Variants in PRKD1 observed in about 807,000 individuals in gnomAD.
PRKD1 encodes protein kinase D1.
In PRKD1, 63 loss-of-function variants were observed where a neutral mutation model predicts 95.9. That is an observed-to-expected ratio of 0.66 (90% CI 0.54 to 0.81). PRKD1 has a LOEUF of 0.81. Ranked by LOEUF, PRKD1 falls within the 30% of genes least tolerant of loss-of-function variation. The probability of loss-of-function intolerance (pLI) is 0.00; values close to 1 mark genes in which losing one functional copy is unlikely to be tolerated. For missense variants in PRKD1, 1,048 were observed against 1,165.3 expected (o/e 0.90, Z 1.47); for synonymous variants, 425 against 423.1 (o/e 1.00, Z -0.05).
chr14:29,849,556 A>AAACAAC (rs200478549), intron 1 of PRKD1, among the ~76,000 whole-genome samples: 3 of 150,406 alleles, frequency 2.0e-5, no homozygotes, highest in East Asian at 1.9e-4. Flanking sequence ...CAGTGAAGTA[A>AAACAAC]AACAACAACA....
chr14:29,606,037 G>T (rs1426638923), intron 13 of PRKD1, among the ~76,000 whole-genome samples: 1 of 151,868 alleles, frequency 6.6e-6, no homozygotes, highest in East Asian at 1.9e-4. Flanking sequence ...TTTGGAGACA[G>T]ATTCTCACTC....
intron 2 of PRKD1, among the ~76,000 whole-genome samples, chr14:29,701,820 A>G (rs1884857277): frequency 6.6e-6 from 1 of 152,078 alleles, no homozygotes; most frequent in Non-Finnish European, 1.5e-5. Context: ...TCAGTTTTTG[A>G]TAATTTATTT....
At chr14:29,736,517 A>T (rs1040717631) in intron 1 of PRKD1, among the ~76,000 whole-genome samples, 3 of 152,180 alleles carry the variant, frequency 2.0e-5, no homozygotes, top group Non-Finnish European at 4.4e-5. Context: ...CATTAAACTA[A>T]ACAGGCTTTC....
chr14:29,921,049 A>G (rs1419538455), intron 1 of PRKD1, among the ~76,000 whole-genome samples: 1 of 152,184 alleles, frequency 6.6e-6, no homozygotes, highest in East Asian at 1.9e-4. Context: ...TGTGTTCCCA[A>G]ATGTTGCACC....
chr14:29,767,679 T>C (rs1888315536), intron 1 of PRKD1, among the ~76,000 whole-genome samples: 1 of 152,202 alleles, frequency 6.6e-6, no homozygotes, highest in Non-Finnish European at 1.5e-5. Flanking sequence ...ACCATGTTCC[T>C]ATTAATGTGG....
At chr14:29,618,357 G>C (rs1009802003) in intron 13 of PRKD1, among the ~76,000 whole-genome samples, 1 of 151,506 alleles carries the variant, frequency 6.6e-6, no homozygotes, top group African/African-American at 2.4e-5. Context: ...GAGGGTTCAA[G>C]TGACTCTCCT....
At chr14:29,685,734 C>CTGTG (rs5807548) in intron 2 of PRKD1, among the ~76,000 whole-genome samples, 2,300 of 149,338 alleles carry the variant, frequency 0.015, 48 homozygotes, top group African/African-American at 0.047. Context: ...TTATCCTCAT[C>CTGTG]TGTGTGTGTG....
intron 1 of PRKD1, among the ~76,000 whole-genome samples, chr14:29,856,042 C>G (rs1396015178): frequency 6.6e-6 from 1 of 152,156 alleles, no homozygotes. Flanking sequence ...TAGAGTCATT[C>G]TCTTCCTTCA....
intron 13 of PRKD1, among the ~76,000 whole-genome samples, chr14:29,616,047 ACT>A (rs932040100): frequency 6.6e-6 from 1 of 151,906 alleles, no homozygotes; most frequent in Non-Finnish European, 1.5e-5. Context: ...ATGACAGGTG[ACT>A]CTCTCAAAAT....
chr14:29,613,725 A>G (rs1878642923), intron 13 of PRKD1, among the ~76,000 whole-genome samples: 2 of 152,232 alleles, frequency 1.3e-5, no homozygotes, highest in South Asian at 4.1e-4. Context: ...CAGGCACAAT[A>G]AAATCCAACT....
At chr14:29,672,031 A>G (rs547266574) in intron 2 of PRKD1, among the ~76,000 whole-genome samples, 123 of 152,266 alleles carry the variant, frequency 8.1e-4, no homozygotes, top group Non-Finnish European at 1.3e-3. Flanking sequence ...ACAGAAATCA[A>G]TGTCAAAGGT....
intron 13 of PRKD1, among the ~76,000 whole-genome samples, chr14:29,609,506 G>GCACGCACACACA (rs1555327741): frequency 2.4e-5 from 3 of 127,428 alleles, no homozygotes; most frequent in African/African-American, 8.9e-5. Flanking sequence ...GTGTGTGCGT[G>GCACGCACACACA]CACACACACA....
intron 16 of PRKD1, among the ~76,000 whole-genome samples, chr14:29,595,459 C>A (rs7151359): frequency 0.99 from 150,923 of 152,280 alleles, 74,795 homozygotes; most frequent in East Asian, 1. Context: ...AACTAACATT[C>A]AAGTTCTTTG....
intron 1 of PRKD1, among the ~76,000 whole-genome samples, chr14:29,798,636 T>C (rs1889909115): frequency 6.6e-6 from 1 of 152,222 alleles, no homozygotes; most frequent in South Asian, 2.1e-4. Flanking sequence ...TTCATAATTG[T>C]AGTGCTCTGG....
intron 1 of PRKD1, among the ~76,000 whole-genome samples, chr14:29,747,439 CACTCCTAGGTATAT>C (rs1566577353): frequency 6.6e-6 from 1 of 152,080 alleles, no homozygotes; most frequent in Non-Finnish European, 1.5e-5. Context: ...CCAGCAACTC[CACTCCTAGGTATAT>C]ACTCAAAAGA....
At chr14:29,593,247 C>T (rs1431927068) in intron 16 of PRKD1, among the ~76,000 whole-genome samples, 1 of 152,118 alleles carries the variant, frequency 6.6e-6, no homozygotes, top group Non-Finnish European at 1.5e-5. Flanking sequence ...ATTAATTTTA[C>T]TATCTCCATT....
intron 2 of PRKD1, among the ~76,000 whole-genome samples, chr14:29,683,283 G>A (rs1268783774): frequency 3.9e-5 from 6 of 152,244 alleles, no homozygotes; most frequent in Non-Finnish European, 5.9e-5. Context: ...TGAAAAAAGC[G>A]GTCAACAGTG....
At chr14:29,821,377 T>C (rs17096081) in intron 1 of PRKD1, among the ~76,000 whole-genome samples, 1 of 152,132 alleles carries the variant, frequency 6.6e-6, no homozygotes, top group African/African-American at 2.4e-5. Flanking sequence ...AGGTACTCAG[T>C]GACCATGGTT....
chr14:29,580,011 G>A (rs1488949394), intron 16 of PRKD1, among the ~76,000 whole-genome samples: 10 of 152,196 alleles, frequency 6.6e-5, no homozygotes, highest in Middle Eastern at 3.4e-3. Context: ...GAAGTCACCC[G>A]GCAAAAATGG....
Sources: gnomAD v4.1 joint callset for allele counts (sites outside exome capture counted in the v4.1 genomes callset) on GRCh38, gnomAD v4.1.1 for gene constraint, MANE v1.5 for transcripts, NCBI Gene and HGNC (gene_info 2026-07-23, HGNC 2026-07-21) for gene names.